CHD6: variants seen among roughly 807,000 people sequenced by gnomAD.
The protein encoded by CHD6 is ATP-dependent chromatin remodeler CHD6.
CHD6 carries 50 observed loss-of-function variants against 276.9 expected under a neutral mutation model. That is an observed-to-expected ratio of 0.18 (90% CI 0.14 to 0.23). The LOEUF (loss-of-function observed/expected upper bound fraction) is 0.23. Ranked by LOEUF, CHD6 falls within the 10% of genes least tolerant of loss-of-function variation. The pLI is 1.00. For synonymous variants in CHD6, 1,173 were observed against 1,229.3 expected (o/e 0.95, Z 0.96); for missense variants, 2,564 against 3,365.8 (o/e 0.76, Z 5.89).
At position 41,440,434 on chromosome 20, in the gene CHD6, C is replaced by T. The variant is rs147847143; in HGVS notation, c.3878-305G>A. On this transcript the variant is annotated intron_variant, in intron 25 of 36. Coordinates refer to ENST00000373233, the MANE Select transcript of CHD6 (RefSeq NM_032221.5). ...CCGTCAGCTGGTTTTGCAACTTCTT[C>T]CCCCATCCTCAACTCTGGATACCTT... is the stretch of plus-strand genomic sequence containing the variant. Among the ~76,000 whole-genome samples the T allele has an allele frequency of 3.7e-3, 557 of 152,272 alleles. 4 individuals carry two copies. The highest frequency in any genetic ancestry group is 0.012 in the African/African-American group (513 of 41,560).
Position 41,617,917 on chromosome 20 carries a change from C to T in CHD6, c.-24+423G>A, listed in dbSNP as rs369955108. 5.3e-4 allele frequency among the ~76,000 whole-genome samples: 79 copies of T among 147,708 alleles called. No individual in the cohort carries two copies. In the East Asian group the frequency reaches 0.012, roughly 23 times the overall value. ...TCACCCCCGCCCCGCCCCAGCGCGG[C>T]TGGGCCCGGGGGTCCCACCGCGCCC... On this transcript the variant is annotated intron_variant, in intron 1 of 36. Transcript: ENST00000373233.
chr20:41,551,600 T>A (rs1378399993), intron 1 of CHD6, among the ~76,000 whole-genome samples: 4 of 152,278 alleles, frequency 2.6e-5, no homozygotes, highest in African/African-American at 9.6e-5. Context: ...GTAGATTAAA[T>A]CAGTTATAAA....
intron 17 of CHD6, among the ~76,000 whole-genome samples, chr20:41,471,179 C>T (rs187145786): frequency 1.3e-5 from 2 of 152,356 alleles, no homozygotes; most frequent in East Asian, 3.9e-4. Flanking sequence ...AAAGCAGCCA[C>T]AGATTATATA....
chr20:41,422,853 A>C (rs541654240), intron 30 of CHD6, among the ~76,000 whole-genome samples: 1 of 152,320 alleles, frequency 6.6e-6, no homozygotes, highest in Admixed American at 6.5e-5. Context: ...TAGGAGGCAA[A>C]GGCTGGTATG....
Position 41,440,270 on chromosome 20 carries a change from T to C in CHD6, c.3878-141A>G, listed in dbSNP as rs1475986892. 4.6e-5 allele frequency: 35 copies of C among 761,638 alleles called. No homozygotes were observed. The East Asian group carries it at 9.0e-4, about 20-fold the overall frequency. 47.2% of individuals were successfully genotyped at this position (761,638 alleles called of 1,614,324 possible). ...TAATTATTTAAGATTAATGAGATCC[T>C]ATAAGACTATCAGGGAAAAATCCTG... On this transcript the variant is annotated intron_variant, in intron 25 of 36. Transcript: ENST00000373233.
chr20:41,416,555 T>C, intron 33 of CHD6, 33 bp downstream of exon 33: 3 of 1,574,206 alleles, frequency 1.9e-6, no homozygotes, highest in Non-Finnish European at 2.6e-6. Flanking sequence ...CACCATTCTT[T>C]GTTTTGTGGT....
chr20:41,571,660 T>C (rs2045418932), intron 1 of CHD6, among the ~76,000 whole-genome samples: 1 of 152,034 alleles, frequency 6.6e-6, no homozygotes, highest in Non-Finnish European at 1.5e-5. Context: ...TATCTATTTT[T>C]AGACATTAAG....
Position 41,421,166 on chromosome 20 carries a change from A to C in CHD6, c.5469T>G (p.Phe1823Leu), listed in dbSNP as rs2047178250. Residue 1823 changes from phenylalanine (F) to leucine (L), a missense_variant, in exon 31 of 37, where the codon TTT (phenylalanine) becomes TTG (leucine). Phe to Leu is a conservative substitution (Grantham distance 22, BLOSUM62 0). Coordinates refer to ENST00000373233, the MANE Select transcript of CHD6 (RefSeq NM_032221.5). Reference protein sequence around the residue: ...PSLNPGNESGFVDMCSLSVCD... With the variant: ...PSLNPGNESGLVDMCSLSVCD... Reference sequence around the variant, plus strand: ...AGACACTAAGACTGCACATATCTACAAACCCACTTTCATTTCCTGGATTCA... The same window carrying C: ...AGACACTAAGACTGCACATATCTACCAACCCACTTTCATTTCCTGGATTCA... 1.3e-5 allele frequency: 21 copies of C among 1,613,424 alleles called. No homozygotes were observed. Among genetic ancestry groups the C allele is most frequent in the Non-Finnish European group, 1.7e-5 (20 of 1,179,814 alleles).
chr20:41,421,758 G>C lies in CHD6; in HGVS notation c.4877C>G (p.Pro1626Arg), dbSNP rs201780672. ...AQHKRSGTQA[P>R]GNLCCLYQTN... ...CTGGTAAAGGCAACAGAGATTTCCTGGTGCCTGGGTGCCAGATCTTTTATG... is the reference window on the plus strand; with the variant it reads ...CTGGTAAAGGCAACAGAGATTTCCTCGTGCCTGGGTGCCAGATCTTTTATG... Residue 1626 changes from proline to arginine, a missense_variant, in exon 31 of 37, where the codon CCA becomes CGA. Pro to Arg is a moderately radical substitution (Grantham distance 103). Around this residue, in one of 7 missense-constraint regions of CHD6, gnomAD observed 1,024 missense variants for 1,047.9 expected, o/e 0.98. Coordinates refer to ENST00000373233, the MANE Select transcript of CHD6 (RefSeq NM_032221.5). 1.2e-6 allele frequency: 2 copies of C among 1,614,176 alleles called. No individual in the cohort carries two copies. Among genetic ancestry groups the C allele is most frequent in the Non-Finnish European group, 1.7e-6 (2 of 1,180,032 alleles).
chr20:41,614,421 G>C (rs545845043), intron 1 of CHD6, among the ~76,000 whole-genome samples: 3 of 151,950 alleles, frequency 2.0e-5, no homozygotes, highest in Non-Finnish European at 4.4e-5. Flanking sequence ...AAGAAAAAAG[G>C]TTCATCAATT....
rs2045233421 is a variant in CHD6 at position 41,556,229 on chromosome 20, G to C, written c.-23-4869C>G. On this transcript the variant is annotated intron_variant, in intron 1 of 36. Transcript: ENST00000373233. ...ACAGTCCAGCTTTGGCTCGGCATCA[G>C]AGGGAGACCGTGGAAAGAGGGAGAG... is the stretch of plus-strand genomic sequence containing the variant. Among the ~76,000 whole-genome samples, 3 of 152,018 alleles carry C rather than the reference G, an allele frequency of 2.0e-5. No individual in the cohort carries two copies. In the South Asian group the frequency reaches 6.2e-4, roughly 32 times the overall value.
intron 3 of CHD6, among the ~76,000 whole-genome samples, chr20:41,515,292 A>C (rs1200974087): frequency 6.6e-6 from 1 of 152,202 alleles, no homozygotes; most frequent in Non-Finnish European, 1.5e-5. Context: ...ATCAAATTAC[A>C]ATCTCCCTTT....
At chr20:41,588,398 G>A (rs1416974820) in intron 1 of CHD6, among the ~76,000 whole-genome samples, 1 of 152,082 alleles carries the variant, frequency 6.6e-6, no homozygotes, top group Non-Finnish European at 1.5e-5. Context: ...GGCAATTCAG[G>A]GTTTTTCTTC....
chr20:41,418,514 T>A (rs551271285), intron 31 of CHD6, among the ~76,000 whole-genome samples: 1 of 151,940 alleles, frequency 6.6e-6, no homozygotes, highest in Non-Finnish European at 1.5e-5. Context: ...TAGGCCAGAA[T>A]AGAAAATTTA....
At chr20:41,576,854 T>G (rs1047904944) in intron 1 of CHD6, among the ~76,000 whole-genome samples, 1 of 152,214 alleles carries the variant, frequency 6.6e-6, no homozygotes, top group Non-Finnish European at 1.5e-5. Context: ...GATGTAGTCA[T>G]GTTCTCACCC....
chr20:41,530,922 T>G (rs2044668808), intron 3 of CHD6, among the ~76,000 whole-genome samples: 1 of 152,196 alleles, frequency 6.6e-6, no homozygotes, highest in Non-Finnish European at 1.5e-5. Context: ...GCCAAGCACT[T>G]CTCCAACTCA....
intron 23 of CHD6, among the ~76,000 whole-genome samples, chr20:41,448,651 G>A (rs2048143560): frequency 6.6e-6 from 1 of 152,174 alleles, no homozygotes; most frequent in African/African-American, 2.4e-5. Context: ...ATCCCGGCCT[G>A]CAGAGTCATG....
At chr20:41,559,886 T>TACAC (rs72289431) in intron 1 of CHD6, among the ~76,000 whole-genome samples, 8 of 149,788 alleles carry the variant, frequency 5.3e-5, no homozygotes, top group South Asian at 2.1e-4. Context: ...CACGCACACA[T>TACAC]ACACACACAC....
chr20:41,560,574 C>T (rs1568702720), intron 1 of CHD6, among the ~76,000 whole-genome samples: 1 of 152,202 alleles, frequency 6.6e-6, no homozygotes, highest in Non-Finnish European at 1.5e-5. Context: ...GGCCCAAGCA[C>T]CCTCCAGGGA....
Sources: allele counts gnomAD v4.1 joint callset (sites outside exome capture counted in the v4.1 genomes callset), GRCh38; gene constraint gnomAD v4.1.1; regional missense constraint gnomAD v4.1.1; transcripts MANE v1.5; gene names NCBI Gene and HGNC (gene_info 2026-07-23, HGNC 2026-07-21).